NCEH1: variants seen among roughly 807,000 people sequenced by gnomAD.
NCEH1 encodes the protein neutral cholesterol ester hydrolase 1.
A neutral mutation model predicts 25.4 loss-of-function variants in NCEH1; 9 were observed. That is an observed-to-expected ratio of 0.35 (90% confidence interval 0.21 to 0.62). The LOEUF (loss-of-function observed/expected upper bound fraction) is 0.62. Ranked by LOEUF, NCEH1 falls within the 20% of genes least tolerant of loss-of-function variation. The pLI is 0.72. For synonymous variants in NCEH1, 200 were observed against 199.8 expected (o/e 1.00, Z -0.01); for missense variants, 412 against 501.1 (o/e 0.82, Z 1.70).
At chr3:172,635,849 T>C in intron 4 of NCEH1, 67 bp downstream of exon 4, 1 of 1,429,354 alleles carries the variant, frequency 7.0e-7, no homozygotes. Flanking sequence ...TAATGGAGGG[T>C]GTGTTGGTCT....
chr3:172,653,458 C>A (rs979508874), intron 1 of NCEH1, among the ~76,000 whole-genome samples: 8 of 152,270 alleles, frequency 5.3e-5, no homozygotes, highest in African/African-American at 1.7e-4. Context: ...AGAGAATCAT[C>A]TGAAACTTAG....
chr3:172,658,145 G>C (rs1560188673), intron 1 of NCEH1, among the ~76,000 whole-genome samples: 1 of 152,176 alleles, frequency 6.6e-6, no homozygotes, highest in Admixed American at 6.5e-5. Flanking sequence ...TCAAAACCAA[G>C]ATGGCAATGA....
chr3:172,633,856 G>A lies in NCEH1; in HGVS notation c.846C>T (p.Val282=). The A allele has an allele frequency of 6.2e-7, 1 of 1,614,240 alleles. No individual in the cohort carries two copies. The highest frequency in any genetic ancestry group is 1.3e-5 in the African/African-American group (1 of 75,062). The change falls in exon 5 of 5, where the codon GTC becomes GTT. Residue 282 remains valine (V), a synonymous_variant. Coordinates refer to ENST00000475381, the MANE Select transcript of NCEH1 (RefSeq NM_020792.6). The part of the protein sequence containing the change: ...TSLDVEEAAA[V]RARLNWTSLL... ...GGGATGTCCAGTTTAGACGGGCCCT[G>A]ACAGCAGCAGCCTCTTCCACATCAA...
intron 1 of NCEH1, among the ~76,000 whole-genome samples, chr3:172,669,214 A>G (rs1383327213): frequency 6.6e-6 from 1 of 152,224 alleles, no homozygotes; most frequent in Non-Finnish European, 1.5e-5. Context: ...GGAGAAGTCC[A>G]CTGTTCGTGT....
chr3:172,704,900 C>A, intron 1 of NCEH1, among the ~76,000 whole-genome samples: 1 of 152,302 alleles, frequency 6.6e-6, no homozygotes, highest in South Asian at 2.1e-4. Flanking sequence ...CTTCTCCATC[C>A]TACTAGACTG....
At chr3:172,674,145 A>G (rs1044776399) in intron 1 of NCEH1, among the ~76,000 whole-genome samples, 3 of 152,202 alleles carry the variant, frequency 2.0e-5, no homozygotes, top group Non-Finnish European at 2.9e-5. Flanking sequence ...GAAAATTATA[A>G]AAGATAAGTG....
intron 1 of NCEH1, among the ~76,000 whole-genome samples, chr3:172,688,031 G>A (rs1364450028): frequency 6.6e-6 from 1 of 151,918 alleles, no homozygotes; most frequent in Non-Finnish European, 1.5e-5. Context: ...TTTAATTAGA[G>A]AACAATGAAA....
At chr3:172,692,816 A>G (rs1210701645) in intron 1 of NCEH1, among the ~76,000 whole-genome samples, 1 of 152,246 alleles carries the variant, frequency 6.6e-6, no homozygotes, top group Non-Finnish European at 1.5e-5. Flanking sequence ...AAGGTGGGCT[A>G]GTCCCACCCA....
intron 1 of NCEH1, among the ~76,000 whole-genome samples, chr3:172,675,106 T>G (rs35104042): frequency 0.059 from 8,917 of 152,192 alleles, 321 homozygotes; most frequent in East Asian, 0.14. Context: ...GATCAGGAGT[T>G]CGAGACCAGC....
intron 1 of NCEH1, among the ~76,000 whole-genome samples, chr3:172,696,083 T>G (rs923986419): frequency 6.6e-6 from 1 of 152,246 alleles, no homozygotes; most frequent in African/African-American, 2.4e-5. Flanking sequence ...GAAGAGGTTT[T>G]GAGTTCTTGT....
At chr3:172,650,223 C>T (rs752800507) in intron 1 of NCEH1, among the ~76,000 whole-genome samples, 1 of 152,190 alleles carries the variant, frequency 6.6e-6, no homozygotes, top group Non-Finnish European at 1.5e-5. Context: ...GACAATTTGG[C>T]TGAGTGCAGT....
chr3:172,644,781 AAAC>A lies in NCEH1; in HGVS notation c.437+839_437+841del, dbSNP rs1191148065. 2.0e-5 allele frequency among the ~76,000 whole-genome samples: 3 copies of A among 152,370 alleles called. No individual in the cohort carries two copies. In the South Asian group the frequency reaches 6.2e-4, roughly 32 times the overall value. ...CTAATGATTCAGCAATAAACAAAACAAACAACAATCCTGAAATGTTTGCCTTTA... is the reference window on the plus strand; with the variant it reads ...CTAATGATTCAGCAATAAACAAAACAAACAATCCTGAAATGTTTGCCTTTA... On this transcript the variant is annotated intron_variant, in intron 3 of 4. Coordinates refer to ENST00000475381, the MANE Select transcript of NCEH1 (RefSeq NM_020792.6).
chr3:172,653,785 T>C (rs1232510074), intron 1 of NCEH1, among the ~76,000 whole-genome samples: 2 of 139,752 alleles, frequency 1.4e-5, no homozygotes, highest in African/African-American at 5.5e-5. Flanking sequence ...TGAGACAGAG[T>C]CTCCCTTTGT....
chr3:172,687,853 C>T (rs1712784315), intron 1 of NCEH1, among the ~76,000 whole-genome samples: 1 of 152,202 alleles, frequency 6.6e-6, no homozygotes, highest in Non-Finnish European at 1.5e-5. Flanking sequence ...GGCTGTCAAG[C>T]TGGCTGTTTG....
chr3:172,652,318 T>C (rs947867984), intron 1 of NCEH1, among the ~76,000 whole-genome samples: 1 of 152,238 alleles, frequency 6.6e-6, no homozygotes, highest in Non-Finnish European at 1.5e-5. Flanking sequence ...GCCCATTATA[T>C]GTACCCAAGA....
rs186123361 is a variant in NCEH1, at chr3:172,660,641, T to G, written c.139-12527A>C. 5.2e-3 allele frequency among the ~76,000 whole-genome samples: 796 copies of G among 152,326 alleles called. 6 individuals carry two copies. Among genetic ancestry groups the G allele is most frequent in the Admixed American group, 8.0e-3 (123 of 15,302 alleles). On this transcript the variant is annotated intron_variant, in intron 1 of 4. Transcript: ENST00000475381. ...TCCACATCCTCTCCAGCACCTGTTG[T>G]TTCCTGACTTTGTGATGATTGCCAT... is the stretch of plus-strand genomic sequence containing the variant.
chr3:172,657,099 C>T (rs1281425910), intron 1 of NCEH1, among the ~76,000 whole-genome samples: 2 of 152,074 alleles, frequency 1.3e-5, no homozygotes, highest in Non-Finnish European at 2.9e-5. Context: ...TGATGATGTT[C>T]TCAAAAGTTC....
intron 1 of NCEH1, among the ~76,000 whole-genome samples, chr3:172,659,091 C>T (rs1717843682): frequency 6.6e-6 from 1 of 151,980 alleles, no homozygotes; most frequent in South Asian, 2.1e-4. Context: ...GGATTTGAAC[C>T]CAAGCATTCT....
At chr3:172,709,056 G>GT (rs1421365510) in intron 1 of NCEH1, among the ~76,000 whole-genome samples, 1 of 152,112 alleles carries the variant, frequency 6.6e-6, no homozygotes, top group East Asian at 1.9e-4. Flanking sequence ...GAGAACACTG[G>GT]TTACCTCATC....
Sources: allele counts gnomAD v4.1 joint callset (sites outside exome capture counted in the v4.1 genomes callset), GRCh38; gene constraint gnomAD v4.1.1; transcripts MANE v1.5; gene names NCBI Gene and HGNC (gene_info 2026-07-23, HGNC 2026-07-21).